Variants in IQCK observed in about 807,000 individuals in gnomAD.
The protein encoded by IQCK is IQ domain-containing protein K.
Under a neutral mutation model 28.1 loss-of-function variants are expected in IQCK, and 29 were observed. The observed-to-expected ratio is 1.03, with a 90% confidence interval of 0.77 to 1.41. IQCK has a LOEUF of 1.41. Among genes scored for constraint, IQCK ranks in the 40% most tolerant of loss-of-function variants. IQCK has a pLI of 0.00. For missense variants in IQCK, 359 were observed against 314.7 expected (o/e 1.14, Z -1.07); for synonymous variants, 113 against 115.1 (o/e 0.98, Z 0.12).
At chr16:19,828,105 G>T (rs1435451332), downstream of IQCK, among the ~76,000 whole-genome samples, 7 of 151,768 alleles carry the variant, frequency 4.6e-5, no homozygotes, top group African/African-American at 1.2e-4. Context: ...TAGACACAGG[G>T]TTTCACCATG....
intron 1 of IQCK, among the ~76,000 whole-genome samples, chr16:19,720,533 A>G (rs901455080): frequency 6.6e-5 from 10 of 152,262 alleles, no homozygotes; most frequent in Admixed American, 6.5e-5. Flanking sequence ...AAAGGTGCTT[A>G]GCACAGTGCC....
At chr16:19,724,021 T>C (rs552824073) in intron 1 of IQCK, among the ~76,000 whole-genome samples, 76 of 151,930 alleles carry the variant, frequency 5.0e-4, no homozygotes, top group Non-Finnish European at 7.4e-4. Flanking sequence ...GCCAGACTCC[T>C]TGGGGGTGAG....
chr16:19,736,118 T>C (rs762556275), intron 4 of IQCK: 62 of 455,964 alleles, frequency 1.4e-4, no homozygotes, highest in African/African-American at 1.1e-3. Context: ...CTAGATTGAT[T>C]GTTCCCCCTG....
At chr16:19,819,784 G>A (rs570552117) in intron 7 of IQCK, among the ~76,000 whole-genome samples, 46 of 151,744 alleles carry the variant, frequency 3.0e-4, no homozygotes, top group Non-Finnish European at 4.9e-4. Context: ...GAGGCCACGG[G>A]GGGCAGATCA....
chr16:19,728,759 A>C (rs1226927803), intron 1 of IQCK, among the ~76,000 whole-genome samples: 1 of 152,232 alleles, frequency 6.6e-6, no homozygotes, highest in African/African-American at 2.4e-5. Context: ...CTAATTTGTT[A>C]CACAATAATA....
At chr16:19,727,465 T>C (rs1027926353) in intron 1 of IQCK, among the ~76,000 whole-genome samples, 4 of 151,974 alleles carry the variant, frequency 2.6e-5, no homozygotes, top group Admixed American at 2.6e-4. Context: ...CATGTGCCTG[T>C]AGTCCCAGCT....
At chr16:19,742,159 C>T (rs983770260) in intron 4 of IQCK, among the ~76,000 whole-genome samples, 1 of 152,164 alleles carries the variant, frequency 6.6e-6, no homozygotes, top group Non-Finnish European at 1.5e-5. Context: ...CTGCTCCTGT[C>T]ATTGGGCGGA....
intron 4 of IQCK, among the ~76,000 whole-genome samples, chr16:19,739,594 C>T (rs1172563608): frequency 6.6e-6 from 1 of 152,156 alleles, no homozygotes; most frequent in African/African-American, 2.4e-5. Flanking sequence ...GCGTGTGGAT[C>T]ACTGGAGCTT....
At chr16:19,858,324 G>C in exon 10 of IQCK, 1 of 442,202 alleles carries the variant, frequency 2.3e-6, no homozygotes, top group Non-Finnish European at 4.0e-6. Flanking sequence ...GATTTAAAAG[G>C]GGGGAAAAAG....
At chr16:19,764,558 G>A (rs1299019336) in intron 6 of IQCK, among the ~76,000 whole-genome samples, 1 of 152,064 alleles carries the variant, frequency 6.6e-6, no homozygotes, top group Non-Finnish European at 1.5e-5. Flanking sequence ...ATTCTAATAT[G>A]GGTGTCCTCC....
intron 7 of IQCK, among the ~76,000 whole-genome samples, chr16:19,802,642 G>A (rs1165334041): frequency 1.3e-5 from 2 of 149,368 alleles, no homozygotes; most frequent in East Asian, 3.9e-4. Context: ...CCTCCTTTAA[G>A]TTCTTCAAAG....
At chr16:19,847,013 T>C (rs957888948) in intron 9 of IQCK, among the ~76,000 whole-genome samples, 3 of 152,152 alleles carry the variant, frequency 2.0e-5, no homozygotes, top group African/African-American at 7.2e-5. Flanking sequence ...AAGATCAGAA[T>C]CTTGGTGTGG....
At chr16:19,729,935 C>T (rs902122958) in intron 1 of IQCK, among the ~76,000 whole-genome samples, 11 of 151,888 alleles carry the variant, frequency 7.2e-5, no homozygotes, top group Admixed American at 6.6e-4. Context: ...TGAGCCACCA[C>T]GCCCGGCCTA....
intron 7 of IQCK, among the ~76,000 whole-genome samples, chr16:19,814,894 C>A (rs1475544266): frequency 3.3e-5 from 5 of 150,842 alleles, no homozygotes; most frequent in Admixed American, 2.0e-4. Context: ...TCAAGCAATC[C>A]TGCCACCTCA....
At chr16:19,763,759 GA>G in intron 4 of IQCK, 88 bp from the exon 5 acceptor site, 1 of 1,042,704 alleles carries the variant, frequency 9.6e-7, no homozygotes. Context: ...AAGCTTTATT[GA>G]AAAAAGTCAT....
At chr16:19,807,827 G>A (rs2055852241) in intron 7 of IQCK, among the ~76,000 whole-genome samples, 1 of 152,206 alleles carries the variant, frequency 6.6e-6, no homozygotes, top group East Asian at 1.9e-4. Context: ...GGTGCAGGTT[G>A]CACAGTGCTT....
At chr16:19,813,913 C>T (rs1350459786) in intron 7 of IQCK, among the ~76,000 whole-genome samples, 1 of 151,990 alleles carries the variant, frequency 6.6e-6, no homozygotes, top group East Asian at 1.9e-4. Flanking sequence ...TACATTATAA[C>T]AACACATTAA....
At chr16:19,829,300 A>T (rs2056198479), downstream of IQCK, among the ~76,000 whole-genome samples, 1 of 150,072 alleles carries the variant, frequency 6.7e-6, no homozygotes, top group African/African-American at 2.5e-5. Flanking sequence ...ACAATGTGCC[A>T]ATGCCTTCTT....
chr16:19,721,153 GT>G (rs1201314670), intron 1 of IQCK, among the ~76,000 whole-genome samples: 1 of 152,106 alleles, frequency 6.6e-6, no homozygotes, highest in African/African-American at 2.4e-5. Flanking sequence ...AGTAAATTCA[GT>G]TTCTGACAAC....
Sources: allele counts gnomAD v4.1 joint callset (sites outside exome capture counted in the v4.1 genomes callset), GRCh38; gene constraint gnomAD v4.1.1; transcripts MANE v1.5; gene names NCBI Gene and HGNC (gene_info 2026-07-23, HGNC 2026-07-21).